GDAP1: variants seen among roughly 807,000 people sequenced by gnomAD.
The protein encoded by GDAP1 is ganglioside-induced differentiation-associated protein 1.
Under a neutral mutation model 40.1 loss-of-function variants are expected in GDAP1, and 34 were observed. The observed-to-expected ratio is 0.85, with a 90% CI of 0.64 to 1.13. The LOEUF is 1.13. Among genes scored for constraint, GDAP1 ranks in the 50% most tolerant of loss-of-function variants. The probability of loss-of-function intolerance (pLI) is 0.00; values close to 1 mark genes in which losing one functional copy is unlikely to be tolerated. For missense variants in GDAP1, 374 were observed against 433.7 expected, an observed-to-expected ratio of 0.86 and a Z score of 1.22; for synonymous variants, 170 against 157.4, an observed-to-expected ratio of 1.08 and a Z score of -0.60.
intron 2 of GDAP1, among the ~76,000 whole-genome samples, chr8:74,405,427 G>A (rs1281103651): frequency 6.7e-6 from 1 of 150,156 alleles, no homozygotes; most frequent in Non-Finnish European, 1.5e-5. Context: ...GTTCAGTGTA[G>A]ACAAAATTCA....
At chr8:74,441,029 T>A (rs1477143275) in intron 2 of GDAP1, among the ~76,000 whole-genome samples, 5 of 152,154 alleles carry the variant, frequency 3.3e-5, no homozygotes, top group Admixed American at 3.3e-4. Context: ...TTAGAAACTA[T>A]AATTAGCTAG....
intron 3 of GDAP1, among the ~76,000 whole-genome samples, chr8:74,360,884 TAAG>T (rs1440334501): frequency 6.6e-6 from 1 of 152,172 alleles, no homozygotes; most frequent in Non-Finnish European, 1.5e-5. Context: ...TAATTGGAGA[TAAG>T]AAGGGAAAGG....
At chr8:74,480,601 T>C (rs1806698428) in intron 2 of GDAP1, among the ~76,000 whole-genome samples, 1 of 152,228 alleles carries the variant, frequency 6.6e-6, no homozygotes, top group African/African-American at 2.4e-5. Context: ...TAAAAGGAAG[T>C]TGTTGCCTTA....
At chr8:74,368,286 G>T (rs1214226512), downstream of GDAP1, among the ~76,000 whole-genome samples, 1 of 152,062 alleles carries the variant, frequency 6.6e-6, no homozygotes, top group Non-Finnish European at 1.5e-5. Context: ...ACAGCTTTTG[G>T]TATCTTCAGA....
In GDAP1 at chr8:74,407,817, G is replaced by A. The variant is rs149614162; in HGVS notation, c.165+56496G>A. 8.9e-4 allele frequency among the ~76,000 whole-genome samples: 128 copies of A among 143,556 alleles called. 14 individuals carry two copies. Among genetic ancestry groups the A allele is most frequent in the African/African-American group, 3.3e-3 (120 of 36,716 alleles). 94.2% of individuals were successfully genotyped at this position (143,556 alleles called of 152,430 possible). A position where few individuals can be genotyped will look rare whatever the true frequency, so the allele number is the denominator to read the frequency against. ...GGCAATACCTTGACAATTGCAGGCC[G>A]CATTCCTGGTCAGAACTTCTGCCCC... On this transcript the variant is annotated intron_variant, in intron 2 of 2. Coordinates refer to the GDAP1 transcript ENST00000523640.
At chr8:74,352,514 T>C (rs144103765) in intron 2 of GDAP1, among the ~76,000 whole-genome samples, 2,289 of 152,074 alleles carry the variant, frequency 0.015, 43 homozygotes, top group African/African-American at 0.051. Context: ...GGAAAATGAG[T>C]ATTATTAGGC....
chr8:74,363,565 C>A (rs1202325831), intron 5 of GDAP1, among the ~76,000 whole-genome samples: 1 of 152,226 alleles, frequency 6.6e-6, no homozygotes, highest in Non-Finnish European at 1.5e-5. Flanking sequence ...AGCTCTTCTG[C>A]TTTAAATGAC....
At chr8:74,362,514 G>T (rs900582017) in intron 4 of GDAP1, among the ~76,000 whole-genome samples, 2 of 152,134 alleles carry the variant, frequency 1.3e-5, no homozygotes, top group African/African-American at 4.8e-5. Context: ...AGAAACACCT[G>T]CACTCACAGT....
chr8:74,439,581 C>T, intron 2 of GDAP1, among the ~76,000 whole-genome samples: 1 of 151,082 alleles, frequency 6.6e-6, no homozygotes, highest in East Asian at 1.9e-4. Flanking sequence ...TCTTGGGTTC[C>T]TGGGCCAATA....
At chr8:74,356,659 A>AGTGTGT (rs144717682) in intron 2 of GDAP1, among the ~76,000 whole-genome samples, 6,107 of 122,898 alleles carry the variant, frequency 0.05, 199 homozygotes, top group Non-Finnish European at 0.07. Context: ...AATATTATTT[A>AGTGTGT]GTGTGTGTGT....
At chr8:74,426,688 ATCTT>A (rs1256955041) in intron 2 of GDAP1, among the ~76,000 whole-genome samples, 5 of 152,126 alleles carry the variant, frequency 3.3e-5, no homozygotes, top group African/African-American at 4.8e-5. Flanking sequence ...ATACTTAGAT[ATCTT>A]TCTTTCTATT....
chr8:74,397,512 C>T lies in GDAP1; in HGVS notation c.165+46191C>T, dbSNP rs556999400. On this transcript the variant is annotated intron_variant, in intron 2 of 2. Transcript: ENST00000523640. Reference sequence around the variant, plus strand: ...TAGGTCTAACATTTAAGTCTTTAATCCATCTTGAATTAATTTTTGTATAAG... The same window carrying T: ...TAGGTCTAACATTTAAGTCTTTAATTCATCTTGAATTAATTTTTGTATAAG... 1.4e-4 allele frequency among the ~76,000 whole-genome samples: 21 copies of T among 152,228 alleles called. No individual in the cohort carries two copies. The East Asian group carries it at 3.9e-3, about 28-fold the overall frequency.
chr8:74,480,714 A>G (rs1326036813), intron 2 of GDAP1, among the ~76,000 whole-genome samples: 1 of 152,214 alleles, frequency 6.6e-6, no homozygotes, highest in Non-Finnish European at 1.5e-5. Context: ...TTTAATGTCA[A>G]GTATGAAAAA....
intron 2 of GDAP1, among the ~76,000 whole-genome samples, chr8:74,384,741 A>T (rs759943728): frequency 5.9e-5 from 9 of 152,202 alleles, no homozygotes; most frequent in Non-Finnish European, 1.2e-4. Flanking sequence ...TAAGAAGTTG[A>T]TCTCTGTCGC....
At position 74,364,332 on chromosome 8, in the gene GDAP1, A is replaced by C. The variant is rs775559344; in HGVS notation, c.1042A>C (p.Ile348Leu). 6.2e-7 allele frequency: 1 copy of C among 1,614,034 alleles called. No homozygotes were observed. Among genetic ancestry groups the C allele is most frequent in the African/African-American group, 1.3e-5 (1 of 75,006 alleles). ...TTTCAGAAAGAGGCTTGGCAGCATGATATTAGCATTTAGACCCAGACCAAA... is the reference window on the plus strand; with the variant it reads ...TTTCAGAAAGAGGCTTGGCAGCATGCTATTAGCATTTAGACCCAGACCAAA... Reference protein sequence around the residue: ...MLFRKRLGSMILAFRPRPNYF With the variant: ...MLFRKRLGSMLLAFRPRPNYF Residue 348 changes from isoleucine (I) to leucine (L), a missense_variant, in exon 6 of 6, where the codon ATA becomes CTA. Coordinates refer to ENST00000220822, the MANE Select transcript of GDAP1 (RefSeq NM_018972.4).
chr8:74,406,485 G>C (rs942278911), intron 2 of GDAP1, among the ~76,000 whole-genome samples: 3 of 150,186 alleles, frequency 2.0e-5, no homozygotes, highest in African/African-American at 7.6e-5. Flanking sequence ...TGAAACATCA[G>C]CTCTGCCTGG....
In GDAP1 at chr8:74,350,526, C is replaced by T. The variant is rs148197760; in HGVS notation, c.65C>T (p.Ala22Val). 3.1e-6 allele frequency: 5 copies of T among 1,613,394 alleles called. No individual in the cohort carries two copies. Among genetic ancestry groups the T allele is most frequent in the Non-Finnish European group, 4.2e-6 (5 of 1,179,438 alleles). Residue 22 changes from alanine to valine, a missense_variant, in exon 1 of 6, where the codon GCG becomes GTG. Physicochemically the swap from Ala to Val is moderately conservative, Grantham distance 64 (BLOSUM62 0). Transcript: ENST00000220822. ...PPLRAEGKAD[A>V]EVKLILYHWT... ...TTGAGGGCGGAAGGCAAGGCCGACGCGGAGGTTAAGCTCATTCTGTACCAT... is the reference window on the plus strand; with the variant it reads ...TTGAGGGCGGAAGGCAAGGCCGACGTGGAGGTTAAGCTCATTCTGTACCAT...
rs942373805 is a variant in GDAP1 at position 74,390,514 on chromosome 8, C to T, written c.165+39193C>T. 3.3e-5 allele frequency among the ~76,000 whole-genome samples: 5 copies of T among 152,208 alleles called. No homozygotes were observed. The South Asian group carries it at 8.3e-4, about 25-fold the overall frequency. Reference sequence around the variant, plus strand: ...CCCTGGGTATCACCAGCAGAGGCTGCAGAACAGCAAAGATTGCTCCCTATT... The same window carrying T: ...CCCTGGGTATCACCAGCAGAGGCTGTAGAACAGCAAAGATTGCTCCCTATT... On this transcript the variant is annotated intron_variant, in intron 2 of 2. Transcript: ENST00000523640.
chr8:74,431,404 A>C (rs1054605254), intron 2 of GDAP1, among the ~76,000 whole-genome samples: 37 of 152,294 alleles, frequency 2.4e-4, no homozygotes, highest in African/African-American at 8.7e-4. Context: ...ATATGGACTT[A>C]AGTAATGAAT....
Sources: gnomAD v4.1 joint callset for allele counts (sites outside exome capture counted in the v4.1 genomes callset) on GRCh38, gnomAD v4.1.1 for gene constraint, MANE v1.5 for transcripts, NCBI Gene and HGNC (gene_info 2026-07-23, HGNC 2026-07-21) for gene names.